The following NALF1 variants were observed in gnomAD, a reference collection of about 807,000 sequenced individuals.
The protein encoded by NALF1 is family with sequence similarity 155 member A.
A neutral mutation model predicts 48.4 loss-of-function variants in NALF1; 3 were observed. The ratio of observed to expected loss-of-function variants is 0.06; its 90% confidence interval spans 0.03 to 0.16. NALF1 has a LOEUF of 0.16. NALF1 is among the 10% of genes least tolerant of loss of function. The pLI is 1.00. For synonymous variants in NALF1, 262 were observed against 245.7 expected (o/e 1.07, Z -0.62); for missense variants, 526 against 571.5 (o/e 0.92, Z 0.81).
At chr13:107,828,686 A>G (rs1056398284) in intron 1 of NALF1, among the ~76,000 whole-genome samples, 6 of 151,724 alleles carry the variant, frequency 4.0e-5, no homozygotes, top group African/African-American at 1.5e-4. Flanking sequence ...TATTTTAACT[A>G]TATTCCAATG....
Position 107,693,562 on chromosome 13 carries a change from G to A in NALF1, c.915+172120C>T, listed in dbSNP as rs181375257. ...CACAGGTGCACGGAATCTCTGCCAC[G>A]CTTATTAGGTGAGGCAAGGTTACTT... On this transcript the variant is annotated intron_variant, in intron 1 of 2. Coordinates refer to ENST00000375915, the MANE Select transcript of NALF1 (RefSeq NM_001080396.3). Among the ~76,000 whole-genome samples, 145 of 151,088 alleles carry A rather than the reference G, an allele frequency of 9.6e-4. 1 individual carries two copies. The highest frequency in any genetic ancestry group is 6.7e-3 in the South Asian group (32 of 4,778).
At chr13:107,624,840 G>A (rs1879624472) in intron 1 of NALF1, among the ~76,000 whole-genome samples, 1 of 152,198 alleles carries the variant, frequency 6.6e-6, no homozygotes, top group South Asian at 2.1e-4. Context: ...GGTGCAGAAA[G>A]AGATATGAGA....
intron 1 of NALF1, among the ~76,000 whole-genome samples, chr13:107,451,745 G>A (rs959024210): frequency 1.3e-5 from 2 of 152,088 alleles, no homozygotes; most frequent in East Asian, 1.9e-4. Flanking sequence ...ATTGCACATC[G>A]CTCTATCCAA....
In NALF1 at chr13:107,551,491, T is replaced by C. The variant is rs896235902; in HGVS notation, c.915+314191A>G. On this transcript the variant is annotated intron_variant, in intron 1 of 2. Transcript: ENST00000375915. ...AGATACAATATCTGCAATTCATAAA[T>C]GTGAAGGCAATTATATAAATATGTA... 3.1e-4 allele frequency among the ~76,000 whole-genome samples: 47 copies of C among 152,314 alleles called. 1 individual carries two copies. The highest frequency in any genetic ancestry group is 1.1e-3 in the African/African-American group (46 of 41,584).
At chr13:107,449,973 C>T (rs552483040) in intron 1 of NALF1, among the ~76,000 whole-genome samples, 4 of 152,166 alleles carry the variant, frequency 2.6e-5, no homozygotes, top group African/African-American at 9.6e-5. Context: ...CCAGAGTTGG[C>T]ATCAGCAATT....
chr13:107,849,622 T>C (rs188481884), intron 1 of NALF1, among the ~76,000 whole-genome samples: 1 of 152,274 alleles, frequency 6.6e-6, no homozygotes, highest in African/African-American at 2.4e-5. Flanking sequence ...TCAAGAATAC[T>C]TGTCCCAGTA....
At chr13:107,624,306 T>C (rs1055730175) in intron 1 of NALF1, among the ~76,000 whole-genome samples, 3 of 152,106 alleles carry the variant, frequency 2.0e-5, no homozygotes, top group Non-Finnish European at 2.9e-5. Flanking sequence ...ATGTGGATAG[T>C]GGGGAGCAAG....
At chr13:107,525,180 A>C (rs1005090353) in intron 1 of NALF1, among the ~76,000 whole-genome samples, 1 of 152,112 alleles carries the variant, frequency 6.6e-6, no homozygotes, top group Non-Finnish European at 1.5e-5. Context: ...TATGAATTTT[A>C]ACACATGGAG....
At chr13:107,342,496 G>A (rs1451525834) in intron 1 of NALF1, among the ~76,000 whole-genome samples, 1 of 152,016 alleles carries the variant, frequency 6.6e-6, no homozygotes, top group Non-Finnish European at 1.5e-5. Flanking sequence ...ACCTTTATGA[G>A]AACTCCAGAA....
At chr13:107,597,685 G>A (rs564474108) in intron 1 of NALF1, among the ~76,000 whole-genome samples, 2 of 152,168 alleles carry the variant, frequency 1.3e-5, no homozygotes, top group African/African-American at 2.4e-5. Flanking sequence ...AATTGTAAAC[G>A]ACAGTAGAAA....
chr13:107,790,119 A>G (rs1396744333), intron 1 of NALF1, among the ~76,000 whole-genome samples: 3 of 152,188 alleles, frequency 2.0e-5, no homozygotes, highest in Non-Finnish European at 4.4e-5. Context: ...TGGTTCAGAC[A>G]TAATATTTAA....
chr13:107,517,663 A>G (rs1384453459), intron 1 of NALF1, among the ~76,000 whole-genome samples: 1 of 143,170 alleles, frequency 7.0e-6, no homozygotes, highest in Non-Finnish European at 1.5e-5. Context: ...AAACAAACAA[A>G]AAACACTTAA....
chr13:107,793,761 T>C (rs1162969003), intron 1 of NALF1, among the ~76,000 whole-genome samples: 1 of 152,218 alleles, frequency 6.6e-6, no homozygotes, highest in Admixed American at 6.5e-5. Context: ...TAGCCTATTA[T>C]AAATTCTGGT....
At position 107,660,471 on chromosome 13, in the gene NALF1, ACACACACAC is replaced by A. The variant is rs1566434046; in HGVS notation, c.915+205202_915+205210del. On this transcript the variant is annotated intron_variant, in intron 1 of 2. Coordinates refer to ENST00000375915, the MANE Select transcript of NALF1 (RefSeq NM_001080396.3). Reference sequence around the variant, plus strand: ...CACACACACACACACACACACACACACACACACACACACAACAAAGAAACAAAAAAACAA... The same window carrying A: ...CACACACACACACACACACACACACAACACAACAAAGAAACAAAAAAACAA... Among the ~76,000 whole-genome samples the A allele has an allele frequency of 7.7e-4, 95 of 124,110 alleles. 1 individual carries two copies. The highest frequency in any genetic ancestry group is 2.1e-3 in the African/African-American group (54 of 25,136). 81.4% of individuals were successfully genotyped at this position (124,110 alleles called of 152,430 possible). A position where few individuals can be genotyped will look rare whatever the true frequency, so the allele number is the denominator to read the frequency against.
intron 1 of NALF1, among the ~76,000 whole-genome samples, chr13:107,494,952 A>G (rs1005134159): frequency 2.4e-4 from 36 of 152,374 alleles, no homozygotes; most frequent in East Asian, 3.9e-4. Flanking sequence ...CGAGTAGAGC[A>G]TAAGACAAGC....
At chr13:107,262,769 G>GCTCTCTCTCTCTCTCTATCTCTCTCT (rs1880957142) in intron 1 of NALF1, among the ~76,000 whole-genome samples, 1 of 144,036 alleles carries the variant, frequency 6.9e-6, no homozygotes, top group African/African-American at 2.7e-5. Context: ...ACCCACAGGC[G>GCTCTCTCTCTCTCTCTATCTCTCTCT]CTCTCTCTCT....
At chr13:107,248,837 T>C (rs1217804346) in intron 1 of NALF1, among the ~76,000 whole-genome samples, 1 of 150,884 alleles carries the variant, frequency 6.6e-6, no homozygotes, top group Non-Finnish European at 1.5e-5. Context: ...TAATACAGAG[T>C]TCAGAAATAG....
intron 1 of NALF1, among the ~76,000 whole-genome samples, chr13:107,716,607 A>G (rs1390098079): frequency 6.6e-6 from 1 of 152,220 alleles, no homozygotes; most frequent in Non-Finnish European, 1.5e-5. Flanking sequence ...TATGCTGAAA[A>G]TACTTCCTTC....
chr13:107,490,339 A>G lies in NALF1; in HGVS notation c.916-279584T>C, dbSNP rs145837145. 3.8e-3 allele frequency among the ~76,000 whole-genome samples: 578 copies of G among 152,340 alleles called. 4 individuals carry two copies. Among genetic ancestry groups the G allele is most frequent in the African/African-American group, 0.013 (527 of 41,572 alleles). ...GAATCAACCTAAATGCCCATCAGTG[A>G]TAGACTGGATAAAGAAAATATACCA... On this transcript the variant is annotated intron_variant, in intron 1 of 2. Coordinates refer to ENST00000375915, the MANE Select transcript of NALF1 (RefSeq NM_001080396.3).
Sources: allele counts gnomAD v4.1 joint callset (sites outside exome capture counted in the v4.1 genomes callset), GRCh38; gene constraint gnomAD v4.1.1; transcripts MANE v1.5; gene names NCBI Gene and HGNC (gene_info 2026-07-23, HGNC 2026-07-21).